Variants in WDR59 observed in about 807,000 individuals in gnomAD.
The protein encoded by WDR59 is WD repeat domain 59.
WDR59 carries 100 observed loss-of-function variants against 131.2 expected under a neutral mutation model. That is an observed-to-expected ratio of 0.76 (90% CI 0.65 to 0.90). The LOEUF (loss-of-function observed/expected upper bound fraction) is 0.90. Ranked by LOEUF, WDR59 falls within the 40% of genes least tolerant of loss-of-function variation. WDR59 has a pLI of 0.00. For synonymous variants in WDR59, 601 were observed against 466.2 expected, an observed-to-expected ratio of 1.29 and a Z score of -3.72; for missense variants, 1,203 against 1,262.2, an observed-to-expected ratio of 0.95 and a Z score of 0.71.
chr16:74,904,163 T>C (rs779061538), intron 17 of WDR59, 63 bp from the exon 18 acceptor site: 1 of 1,562,724 alleles, frequency 6.4e-7, no homozygotes, highest in Non-Finnish European at 8.7e-7. Context: ...CAAGTGGTGC[T>C]ATTCTTAGCA....
chr16:74,921,763 G>A (rs1390410508), intron 10 of WDR59, among the ~76,000 whole-genome samples, 184 bp downstream of exon 10: 2 of 111,192 alleles, frequency 1.8e-5, no homozygotes, highest in African/African-American at 5.0e-5. Context: ...ATTTGGAAGA[G>A]TAACAGCAGC....
chr16:74,911,720 A>G (rs940374748), intron 14 of WDR59, among the ~76,000 whole-genome samples: 3 of 152,200 alleles, frequency 2.0e-5, no homozygotes, highest in Admixed American at 2.0e-4. Context: ...GTTTTTTTCT[A>G]ATTATAAAAT....
rs61734552 is a variant in WDR59 at position 74,909,589 on chromosome 16, C to T, written c.1554G>A (p.Thr518=). The T allele has an allele frequency of 7.7e-4, 1,232 of 1,610,254 alleles. 7 individuals carry two copies. In the African/African-American group the frequency reaches 0.013, roughly 16 times the overall value. ...LPNSVTPPLP[T]FARVTTAYGS... is the part of the protein sequence containing the mutation. ...CGTAAGCCGTGGTCACCCGCGCAAA[C>T]GTCGGTAAGGGGGGAGTGACAGAGT... The change falls in exon 16 of 26, where the codon ACG becomes ACA. Residue 518 remains threonine (T), a synonymous_variant. Transcript: ENST00000262144.
intron 8 of WDR59, among the ~76,000 whole-genome samples, chr16:74,936,123 A>G (rs967552354): frequency 5.3e-5 from 8 of 152,086 alleles, no homozygotes; most frequent in Non-Finnish European, 7.4e-5. Context: ...TGTATGGGGA[A>G]ATAATGCCCC....
intron 1 of WDR59, among the ~76,000 whole-genome samples, chr16:74,969,531 A>G (rs2033899642): frequency 1.3e-5 from 2 of 151,598 alleles, no homozygotes; most frequent in Admixed American, 6.6e-5. Context: ...TCAGCCTCCC[A>G]AAGTACTGGG....
At chr16:74,880,275 A>C (rs8044212) in intron 25 of WDR59, among the ~76,000 whole-genome samples, 64,150 of 151,606 alleles carry the variant, frequency 0.42, 13,830 homozygotes, top group Middle Eastern at 0.49. Context: ...GTGAAACCCC[A>C]TCTCTACTAA....
At chr16:74,926,440 A>T (rs1475293912) in intron 8 of WDR59, among the ~76,000 whole-genome samples, 1 of 152,188 alleles carries the variant, frequency 6.6e-6, no homozygotes, top group African/African-American at 2.4e-5. Context: ...AAGGTTGAAA[A>T]TTTCCCCAAA....
chr16:74,925,697 T>G (rs1359542874), intron 8 of WDR59, among the ~76,000 whole-genome samples: 1 of 152,158 alleles, frequency 6.6e-6, no homozygotes, highest in Non-Finnish European at 1.5e-5. Flanking sequence ...TGATACCCTG[T>G]GTGGGCAGTT....
rs368220022 is a variant in WDR59, at chr16:74,885,799, G to C, written c.2547-4C>G. The C allele has an allele frequency of 6.2e-7, 1 of 1,608,720 alleles. No homozygotes were observed. The highest frequency in any genetic ancestry group is 2.2e-5 in the East Asian group (1 of 44,844). On this transcript the variant is annotated splice_region_variant and splice_polypyrimidine_tract_variant and intron_variant, in intron 24 of 25. Coordinates refer to ENST00000262144, the MANE Select transcript of WDR59 (RefSeq NM_030581.4). ...GGTATTGGCGGGGTCCAGGAGCCTGGATAAAGTTAAAAAGATTTCCTGTCA... is the reference window on the plus strand; with the variant it reads ...GGTATTGGCGGGGTCCAGGAGCCTGCATAAAGTTAAAAAGATTTCCTGTCA...
intron 7 of WDR59, among the ~76,000 whole-genome samples, chr16:74,938,689 A>G (rs1475375820): frequency 6.6e-6 from 1 of 152,104 alleles, no homozygotes; most frequent in African/African-American, 2.4e-5. Flanking sequence ...GGTGCACACC[A>G]CTAAGCCTGG....
At chr16:74,881,434 T>C (rs1302314204) in intron 25 of WDR59, among the ~76,000 whole-genome samples, 1 of 151,984 alleles carries the variant, frequency 6.6e-6, no homozygotes, top group Non-Finnish European at 1.5e-5. Flanking sequence ...TCCAGCAATC[T>C]GTCTGCTTCA....
At chr16:74,959,526 G>T (rs138600792) in intron 2 of WDR59, 29 of 453,596 alleles carry the variant, frequency 6.4e-5, no homozygotes, top group African/African-American at 4.6e-4. Flanking sequence ...AGTGCTGCAG[G>T]CCGAGGCAGA....
At chr16:74,940,304 GGGAGGT>G (rs2032113437) in intron 7 of WDR59, among the ~76,000 whole-genome samples, 1 of 151,698 alleles carries the variant, frequency 6.6e-6, no homozygotes, top group African/African-American at 2.4e-5. Context: ...GCTTGAACCT[GGGAGGT>G]GGAGGTTGCA....
intron 1 of WDR59, among the ~76,000 whole-genome samples, chr16:74,966,246 A>G (rs1253107046): frequency 2.0e-5 from 3 of 152,216 alleles, no homozygotes; most frequent in African/African-American, 7.2e-5. Context: ...TTGGGAGGCC[A>G]AGGCAGGCAG....
chr16:74,945,351 C>G (rs1445970064), intron 6 of WDR59, among the ~76,000 whole-genome samples: 2 of 151,598 alleles, frequency 1.3e-5, no homozygotes, highest in Non-Finnish European at 2.9e-5. Context: ...GTGGCGGGCG[C>G]CTGCAGTCCC....
chr16:74,898,143 G>C (rs1218263661), intron 18 of WDR59, among the ~76,000 whole-genome samples: 2 of 152,146 alleles, frequency 1.3e-5, no homozygotes, highest in Non-Finnish European at 2.9e-5. Flanking sequence ...TCTTGTCTCT[G>C]CAACTGCCAG....
At chr16:74,910,219 C>G (rs12919653) in intron 14 of WDR59, among the ~76,000 whole-genome samples, 47,976 of 151,998 alleles carry the variant, frequency 0.32, 9,496 homozygotes, top group East Asian at 0.62. Context: ...CTGCCCATCT[C>G]GGCCTCCCAA....
At chr16:74,976,708 TG>T (rs1382007610) in intron 1 of WDR59, among the ~76,000 whole-genome samples, 1 of 152,204 alleles carries the variant, frequency 6.6e-6, no homozygotes, top group Non-Finnish European at 1.5e-5. Context: ...CCCAAAGTGC[TG>T]GGATTACAGG....
At chr16:74,953,926 C>G (rs539563531) in intron 3 of WDR59, among the ~76,000 whole-genome samples, 2 of 150,512 alleles carry the variant, frequency 1.3e-5, no homozygotes, top group Non-Finnish European at 3.0e-5. Context: ...GGCGTGAACC[C>G]GGGAGGTGGA....
Sources: allele counts gnomAD v4.1 joint callset (sites outside exome capture counted in the v4.1 genomes callset), GRCh38; gene constraint gnomAD v4.1.1; transcripts MANE v1.5; gene names NCBI Gene and HGNC (gene_info 2026-07-23, HGNC 2026-07-21).